The following KLHL29 variants were observed in gnomAD, a reference collection of about 807,000 sequenced individuals.
KLHL29 encodes the protein kelch-like protein 29.
In KLHL29, 21 loss-of-function variants were observed where a neutral mutation model predicts 80.4. The ratio of observed to expected loss-of-function variants is 0.26; its 90% confidence interval spans 0.19 to 0.38. The LOEUF is 0.38. KLHL29 is among the 10% of genes least tolerant of loss of function. The pLI, the probability that KLHL29 is intolerant of heterozygous loss-of-function variation, is 1.00. For missense variants in KLHL29, 867 were observed against 1,223.9 expected (o/e 0.71, Z 4.35); for synonymous variants, 511 against 526.8 (o/e 0.97, Z 0.41).
At chr2:23,506,867 G>A (rs528373153) in intron 2 of KLHL29, among the ~76,000 whole-genome samples, 7 of 151,142 alleles carry the variant, frequency 4.6e-5, no homozygotes, top group African/African-American at 1.4e-4. Context: ...TCTTCTGAAT[G>A]CCAAAACCCC....
chr2:23,534,723 C>T (rs930998000), intron 2 of KLHL29, among the ~76,000 whole-genome samples: 1 of 152,146 alleles, frequency 6.6e-6, no homozygotes, highest in East Asian at 1.9e-4. Context: ...AAGCTGAGGT[C>T]CCACAGTCTC....
At chr2:23,540,486 T>C in intron 2 of KLHL29, among the ~76,000 whole-genome samples, 1 of 152,144 alleles carries the variant, frequency 6.6e-6, no homozygotes, top group Admixed American at 6.5e-5. Context: ...TTCTTTCCTC[T>C]CCTTCTCTCC....
chr2:23,390,382 G>T (rs1009548753), intron 1 of KLHL29, among the ~76,000 whole-genome samples: 5 of 152,166 alleles, frequency 3.3e-5, no homozygotes, highest in African/African-American at 1.2e-4. Flanking sequence ...TAACGGCCGG[G>T]GATCTAGCGT....
intron 2 of KLHL29, among the ~76,000 whole-genome samples, chr2:23,497,170 C>A (rs947085298): frequency 1.3e-5 from 2 of 152,060 alleles, no homozygotes; most frequent in African/African-American, 2.4e-5. Flanking sequence ...TGCCTTCAGT[C>A]GGTGGGTATT....
intron 2 of KLHL29, among the ~76,000 whole-genome samples, chr2:23,552,761 C>CTTGTTTTTTTTTTTTTTTTTTTTTT: frequency 1.0e-5 from 1 of 95,576 alleles, no homozygotes; most frequent in Non-Finnish European, 1.9e-5. Flanking sequence ...GGTTTCTTTT[C>CTTGTTTTTTTTTTTTTTTTTTTTTT]TTTTTTTTTT....
In KLHL29 at chr2:23,655,633, A is replaced by G. The variant is rs181401010; in HGVS notation, c.940+12783A>G. ...TACCGATGATCCATGGGCCTCTGGAAGCGCATCCAGCCAGCCCTCAGCCAT... is the reference window on the plus strand; with the variant it reads ...TACCGATGATCCATGGGCCTCTGGAGGCGCATCCAGCCAGCCCTCAGCCAT... On this transcript the variant is annotated intron_variant, in intron 5 of 13. Transcript: ENST00000486442. 4.6e-5 allele frequency among the ~76,000 whole-genome samples: 7 copies of G among 152,330 alleles called. No homozygotes were observed. The East Asian group carries it at 1.4e-3, about 29-fold the overall frequency.
rs371819926 is a variant in KLHL29, at chr2:23,654,702, G to GC, written c.940+11852_940+11853insC. Among the ~76,000 whole-genome samples, 20 of 114,814 alleles carry GC rather than the reference G, an allele frequency of 1.7e-4. 1 individual carries two copies. Among genetic ancestry groups the GC allele is most frequent in the Middle Eastern group, 4.2e-3 (1 of 240 alleles). The allele number at this position is 114,814 out of a possible 152,430, so 75.3% of individuals were successfully genotyped here. A position where few individuals can be genotyped will look rare whatever the true frequency, so the allele number is the denominator to read the frequency against. ...TCCAGAAGGGAACAGAGGTTGGGGG[G>GC]GGGGGGTGGATGTTTTGTATGTGCC... is the stretch of plus-strand genomic sequence containing the variant. On this transcript the variant is annotated intron_variant, in intron 5 of 13. Transcript: ENST00000486442.
At chr2:23,667,670 T>A (rs1450217355) in intron 5 of KLHL29, 1 of 152,492 alleles carries the variant, frequency 6.6e-6, no homozygotes, top group African/African-American at 2.4e-5. Flanking sequence ...CGGCTGCTCC[T>A]CCTGGCCCTG....
intron 2 of KLHL29, chr2:23,532,466 C>T (rs1014774257): frequency 2.3e-6 from 1 of 425,798 alleles, no homozygotes; most frequent in African/African-American, 2.0e-5. Context: ...CAGGGCAGCA[C>T]CCAGGGCGGC....
rs1488647202 is a variant in KLHL29, at chr2:23,647,197, G to A, written c.940+4347G>A. ...GAGGACTCAGGATGGCTCTCCCCAG[G>A]TGTGAGGCCTGGCACTGATCTCATC... On this transcript the variant is annotated intron_variant, in intron 5 of 13. Coordinates refer to ENST00000486442, the MANE Select transcript of KLHL29 (RefSeq NM_052920.2). This position sits in a 1 kb window ranked among gnomAD's most constrained non-coding sequence, Gnocchi z 4.9. Among the ~76,000 whole-genome samples, 1 of 152,172 alleles carries A rather than the reference G, an allele frequency of 6.6e-6. No homozygotes were observed. The highest frequency in any genetic ancestry group is 1.5e-5 in the Non-Finnish European group (1 of 68,028).
At chr2:23,385,913 G>GGCT (rs1468231271) in intron 1 of KLHL29, 133 bp downstream of exon 1, 1 of 153,514 alleles carries the variant, frequency 6.5e-6, no homozygotes, top group Non-Finnish European at 1.5e-5. Flanking sequence ...GCTCGGCTTC[G>GGCT]GCGGCGGCGG....
intron 3 of KLHL29, among the ~76,000 whole-genome samples, chr2:23,586,308 C>A (rs1668116678): frequency 6.6e-6 from 1 of 151,878 alleles, no homozygotes; most frequent in African/African-American, 2.4e-5. Flanking sequence ...CAAAAGGAAT[C>A]CCCATACCCA....
chr2:23,598,257 TA>T (rs911061775), intron 3 of KLHL29, among the ~76,000 whole-genome samples: 23 of 147,850 alleles, frequency 1.6e-4, no homozygotes, highest in Admixed American at 7.3e-4. Flanking sequence ...CATTTTAAGA[TA>T]AAAAAAAACC....
In KLHL29 at chr2:23,647,889, T is replaced by C. The variant is rs1361216067; in HGVS notation, c.940+5039T>C. 3.3e-5 allele frequency among the ~76,000 whole-genome samples: 5 copies of C among 152,160 alleles called. No homozygotes were observed. The South Asian group carries it at 1.0e-3, about 32-fold the overall frequency. On this transcript the variant is annotated intron_variant, in intron 5 of 13. Transcript: ENST00000486442. The surrounding 1 kb of genome is among the most constrained non-coding windows in gnomAD (Gnocchi z 4.9). ...CCGGGGTCAGGGGCAGCAAGGATGC[T>C]ATTTCATCCCCACTCCCCCCTCAGT...
At chr2:23,426,503 C>T (rs1231769140) in intron 1 of KLHL29, among the ~76,000 whole-genome samples, 1 of 152,180 alleles carries the variant, frequency 6.6e-6, no homozygotes. Flanking sequence ...TCTCCCAGTG[C>T]GCACCTGGTC....
chr2:23,430,762 G>A (rs1663148634), intron 1 of KLHL29, among the ~76,000 whole-genome samples: 1 of 152,158 alleles, frequency 6.6e-6, no homozygotes, highest in African/African-American at 2.4e-5. Flanking sequence ...TAGAACCCGG[G>A]AACTAATTTT....
At chr2:23,606,137 C>T (rs1335830654) in intron 3 of KLHL29, among the ~76,000 whole-genome samples, 2 of 144,256 alleles carry the variant, frequency 1.4e-5, no homozygotes, top group Non-Finnish European at 3.1e-5. Context: ...ATTCCGTGAG[C>T]TAGTGTGTGT....
In KLHL29 at chr2:23,491,551, G is replaced by A. The variant is rs539244332; in HGVS notation, c.-46+15884G>A. 2.5e-4 allele frequency among the ~76,000 whole-genome samples: 19 copies of A among 75,052 alleles called. No individual in the cohort carries two copies. In the South Asian group the frequency reaches 8.0e-3, roughly 32 times the overall value. 49.2% of individuals were successfully genotyped at this position (75,052 alleles called of 152,430 possible). ...CCATGCATGCAAGCCTTCCCCCGCT[G>A]GGCCAGCAGCTCTGCTCTGCTCCTG... On this transcript the variant is annotated intron_variant, in intron 2 of 13. Transcript: ENST00000486442.
chr2:23,532,188 GA>G (rs1277374350), intron 2 of KLHL29, among the ~76,000 whole-genome samples: 2 of 152,208 alleles, frequency 1.3e-5, no homozygotes, highest in Non-Finnish European at 2.9e-5. Flanking sequence ...GGGTGGAGGG[GA>G]AGGCTGAGGC....
Sources: allele counts gnomAD v4.1 joint callset (sites outside exome capture counted in the v4.1 genomes callset), GRCh38; gene constraint gnomAD v4.1.1; non-coding constraint Gnocchi (gnomAD v3.1); transcripts MANE v1.5; gene names NCBI Gene and HGNC (gene_info 2026-07-23, HGNC 2026-07-21).